HMCN2: variants seen among roughly 807,000 people sequenced by gnomAD.
The protein encoded by HMCN2 is hemicentin-2.
Under a neutral mutation model 377.5 loss-of-function variants are expected in HMCN2, and 325 were observed. The ratio of observed to expected loss-of-function variants is 0.86; its 90% CI spans 0.79 to 0.94. The LOEUF (loss-of-function observed/expected upper bound fraction) is 0.94, where lower values mean the gene tolerates loss of function less well. Ranked by LOEUF, HMCN2 falls within the 40% of genes least tolerant of loss-of-function variation. The pLI, the probability that HMCN2 is intolerant of heterozygous loss-of-function variation, is 0.00. For synonymous variants in HMCN2, 2,007 were observed against 2,046.8 expected (o/e 0.98, Z 0.53); for missense variants, 4,543 against 4,725.3 (o/e 0.96, Z 1.13).
chr9:130,416,211 T>C (rs1843691430), intron 85 of HMCN2, among the ~76,000 whole-genome samples: 1 of 150,846 alleles, frequency 6.6e-6, no homozygotes, highest in Non-Finnish European at 1.5e-5. Flanking sequence ...TTCAAGAGAT[T>C]CTCCTGCCTC....
chr9:130,359,268 C>G, intron 36 of HMCN2, 51 bp from the exon 37 acceptor site: 1 of 1,025,200 alleles, frequency 9.8e-7, no homozygotes, highest in Non-Finnish European at 1.4e-6. Flanking sequence ...GGGATTAGAG[C>G]TGCCCAGAGC....
rs561852022 is a variant in HMCN2 at position 130,283,696 on chromosome 9, C to T, written c.260-907C>T. On this transcript the variant is annotated intron_variant, in intron 1 of 97. Coordinates refer to ENST00000683500, the MANE Select transcript of HMCN2 (RefSeq NM_001291815.2). ...GAACCATACTGTGTGTGCTGTTTTG[C>T]GTCTGGCTTCTCTCGCGTGGGAGGT... is the stretch of plus-strand genomic sequence containing the variant. Among the ~76,000 whole-genome samples, 8 of 152,264 alleles carry T rather than the reference C, an allele frequency of 5.3e-5. No individual in the cohort carries two copies. The East Asian group carries it at 9.6e-4, about 18-fold the overall frequency.
At chr9:130,280,291 T>A (rs1244847034) in intron 1 of HMCN2, among the ~76,000 whole-genome samples, 1 of 151,094 alleles carries the variant, frequency 6.6e-6, no homozygotes, top group African/African-American at 2.4e-5. Flanking sequence ...GCCTCCCGAG[T>A]AGCTGGGACT....
chr9:130,326,625 C>G (rs1167215474), intron 21 of HMCN2, among the ~76,000 whole-genome samples: 1 of 151,774 alleles, frequency 6.6e-6, no homozygotes, highest in African/African-American at 2.4e-5. Flanking sequence ...TTCCTTTGAA[C>G]TACAAATGTA....
chr9:130,393,390 G>A lies in HMCN2; in HGVS notation c.10234+81G>A. 3 of 910,448 alleles carry A rather than the reference G, an allele frequency of 3.3e-6. No individual in the cohort carries two copies. Among genetic ancestry groups the A allele is most frequent in the Non-Finnish European group, 4.0e-6 (3 of 756,444 alleles). The allele number at this position is 910,448 out of a possible 1,614,324, so 56.4% of individuals were successfully genotyped here. A position where few individuals can be genotyped will look rare whatever the true frequency, so the allele number is the denominator to read the frequency against. On this transcript the variant is annotated intron_variant, in intron 67 of 97. Coordinates refer to ENST00000683500, the MANE Select transcript of HMCN2 (RefSeq NM_001291815.2). This position sits in a 1 kb window ranked among gnomAD's most constrained non-coding sequence, Gnocchi z 5.2. ...GGCCCTTGGCCCCCCTGCCCTTCTG[G>A]GTGGAACCAAGGATGGGCCCTGGGG...
intron 85 of HMCN2, among the ~76,000 whole-genome samples, chr9:130,417,541 A>C (rs1414645499): frequency 6.8e-6 from 1 of 146,920 alleles, no homozygotes; most frequent in African/African-American, 2.7e-5. Flanking sequence ...AAAAAAACAA[A>C]AAAAAACGAG....
At chr9:130,337,286 G>A (rs1028132367) in intron 22 of HMCN2, among the ~76,000 whole-genome samples, 1 of 152,144 alleles carries the variant, frequency 6.6e-6, no homozygotes, top group Admixed American at 6.5e-5. Context: ...CAGGGGTGGG[G>A]GCTCCACAGC....
Position 130,434,051 on chromosome 9 carries a change from G to A in HMCN2, c.*358G>A. On this transcript the variant is annotated 3_prime_UTR_variant, in exon 98 of 98. Coordinates refer to ENST00000683500, the MANE Select transcript of HMCN2 (RefSeq NM_001291815.2). The stretch of plus-strand genomic sequence containing the variant: ...AGACCCCGCGTTAGGGGTGGCAGCA[G>A]CTGTCGCCCGGCCACACCTGGTGGT... 4.3e-6 allele frequency: 1 copy of A among 234,998 alleles called. No homozygotes were observed. Among genetic ancestry groups the A allele is most frequent in the Non-Finnish European group, 8.1e-6 (1 of 122,710 alleles). The allele number at this position is 234,998 out of a possible 1,614,324, so 14.6% of individuals were successfully genotyped here.
chr9:130,350,378 C>CAAAAAAAAAAAAAAA (rs1448443171), intron 29 of HMCN2, among the ~76,000 whole-genome samples: 3 of 74,738 alleles, frequency 4.0e-5, no homozygotes, highest in Non-Finnish European at 5.0e-5. Context: ...GCTAAAAATA[C>CAAAAAAAAAAAAAAA]AAAAAAATAC....
chr9:130,300,847 G>C (rs1554934138), intron 8 of HMCN2, among the ~76,000 whole-genome samples: 1 of 152,236 alleles, frequency 6.6e-6, no homozygotes, highest in African/African-American at 2.4e-5. Context: ...TGGCCTTTCA[G>C]GTCTGCCCCT....
At chr9:130,432,714 A>T (rs185389215) in intron 97 of HMCN2, 159 bp downstream of exon 97, 2 of 726,334 alleles carry the variant, frequency 2.8e-6, no homozygotes, top group African/African-American at 3.5e-5. Flanking sequence ...GTGGGAGAGA[A>T]CGGGGACACA....
chr9:130,422,532 G>A lies in HMCN2; in HGVS notation c.13232-45G>A, dbSNP rs993279538. On this transcript the variant is annotated intron_variant, in intron 86 of 97. Coordinates refer to ENST00000683500, the MANE Select transcript of HMCN2 (RefSeq NM_001291815.2). The surrounding 1 kb of genome is among the most constrained non-coding windows in gnomAD (Gnocchi z 4.2). Reference sequence around the variant, plus strand: ...ACAGCCTGCTTGTGCTGTGGGCCCCGGGGTGGATAGTCAGTGGCACTGTCA... The same window carrying A: ...ACAGCCTGCTTGTGCTGTGGGCCCCAGGGTGGATAGTCAGTGGCACTGTCA... The A allele has an allele frequency of 1.2e-5, 16 of 1,284,580 alleles. No homozygotes were observed. The highest frequency in any genetic ancestry group is 3.1e-5 in the East Asian group (1 of 31,828). The allele number at this position is 1,284,580 out of a possible 1,614,324, so 79.6% of individuals were successfully genotyped here. A position where few individuals can be genotyped will look rare whatever the true frequency, so the allele number is the denominator to read the frequency against.
rs1192389621 is a variant in HMCN2, at chr9:130,374,563, T to A, written c.7500T>A (p.Ala2500=). The A allele has an allele frequency of 1.6e-5, 16 of 985,516 alleles. No homozygotes were observed. Among genetic ancestry groups the A allele is most frequent in the Non-Finnish European group, 1.9e-5 (16 of 829,852 alleles). 61.0% of individuals were successfully genotyped at this position (985,516 alleles called of 1,614,324 possible). A position where few individuals can be genotyped will look rare whatever the true frequency, so the allele number is the denominator to read the frequency against. The change falls in exon 49 of 98, where the codon GCT becomes GCA. Residue 2500 remains alanine (A), a synonymous_variant. Coordinates refer to ENST00000683500, the MANE Select transcript of HMCN2 (RefSeq NM_001291815.2). The part of the protein sequence containing the change: ...KDGRPLARGD[A]HHISPDGVLL... ...GCCGGCCTCTGGCTAGGGGAGATGC[T>A]CACCACATCTCCCCAGACGGAGTCC...
chr9:130,312,700 C>T (rs1198987528), intron 15 of HMCN2, among the ~76,000 whole-genome samples: 1 of 149,074 alleles, frequency 6.7e-6, no homozygotes, highest in East Asian at 2.0e-4. Context: ...GAGTCTCGCT[C>T]TGTTGCCCAG....
At position 130,428,410 on chromosome 9, in the gene HMCN2, T is replaced by C. The variant is rs777622160; in HGVS notation, c.14118T>C (p.Cys4706=). The change falls in exon 93 of 98, where the codon TGT becomes TGC. Residue 4706 remains cysteine (C), a synonymous_variant. Coordinates refer to ENST00000683500, the MANE Select transcript of HMCN2 (RefSeq NM_001291815.2). The surrounding 1 kb of genome is among the most constrained non-coding windows in gnomAD (Gnocchi z 5.0). ...ACCTCTGCCGAGAGGGACAGCGCTGTGTGAACCTGCTCGGGTCCTACCGCT... is the reference window on the plus strand; with the variant it reads ...ACCTCTGCCGAGAGGGACAGCGCTGCGTGAACCTGCTCGGGTCCTACCGCT... ...DAHLCREGQR[C]VNLLGSYRCL... 6.5e-7 allele frequency: 1 copy of C among 1,547,722 alleles called. No individual in the cohort carries two copies. The highest frequency in any genetic ancestry group is 8.7e-7 in the Non-Finnish European group (1 of 1,146,916).
At chr9:130,432,671 C>G (rs1002719984) in intron 97 of HMCN2, 116 bp downstream of exon 97, 1 of 1,178,108 alleles carries the variant, frequency 8.5e-7, no homozygotes, top group Non-Finnish European at 1.2e-6. Context: ...CAGGCAGGAA[C>G]GCACGGAGCC....
intron 1 of HMCN2, among the ~76,000 whole-genome samples, chr9:130,283,950 C>T (rs1835278984): frequency 6.6e-6 from 1 of 152,098 alleles, no homozygotes; most frequent in Admixed American, 6.6e-5. Flanking sequence ...AATGGCTGGA[C>T]CCCATGGTAG....
chr9:130,282,369 CTG>C (rs1362167118), intron 1 of HMCN2, among the ~76,000 whole-genome samples: 14 of 152,206 alleles, frequency 9.2e-5, no homozygotes, highest in Non-Finnish European at 1.6e-4. Flanking sequence ...GATGAAGAAA[CTG>C]AGGCTTGGGG....
At chr9:130,371,980 A>G (rs1369607072) in intron 46 of HMCN2, among the ~76,000 whole-genome samples, 1 of 152,214 alleles carries the variant, frequency 6.6e-6, no homozygotes, top group African/African-American at 2.4e-5. Flanking sequence ...CTGCTGGGCC[A>G]GGACTACATA....
Sources: allele counts gnomAD v4.1 joint callset (sites outside exome capture counted in the v4.1 genomes callset), GRCh38; gene constraint gnomAD v4.1.1; non-coding constraint Gnocchi (gnomAD v3.1); transcripts MANE v1.5; gene names NCBI Gene and HGNC (gene_info 2026-07-23, HGNC 2026-07-21).